CHRM3: variants seen among roughly 807,000 people sequenced by gnomAD.
CHRM3 encodes muscarinic acetylcholine receptor M3.
A neutral mutation model predicts 41.8 loss-of-function variants in CHRM3; 11 were observed. That is an observed-to-expected ratio of 0.26 (90% CI 0.17 to 0.44). The LOEUF (loss-of-function observed/expected upper bound fraction) is 0.44. Among genes scored for constraint, CHRM3 ranks in the 20% least tolerant of loss-of-function variants. The probability of loss-of-function intolerance (pLI) is 1.00; values close to 1 mark genes in which losing one functional copy is unlikely to be tolerated. For synonymous variants in CHRM3, 297 were observed against 301.4 expected, an observed-to-expected ratio of 0.99 and a Z score of 0.15; for missense variants, 571 against 745.4, an observed-to-expected ratio of 0.77 and a Z score of 2.72.
At chr1:239,500,460 CT>C (rs1668158320) in intron 2 of CHRM3, among the ~76,000 whole-genome samples, 1 of 111,630 alleles carries the variant, frequency 9.0e-6, no homozygotes, top group Non-Finnish European at 1.7e-5. Context: ...ATACCAGGGC[CT>C]GTTATGGGGT....
At chr1:239,564,240 G>C (rs533392139) in intron 3 of CHRM3, among the ~76,000 whole-genome samples, 35 of 152,200 alleles carry the variant, frequency 2.3e-4, no homozygotes, top group Middle Eastern at 6.8e-3. Flanking sequence ...TAAACCTAAT[G>C]TAAAGTAGAA....
chr1:239,592,065 A>T (rs1664220651), intron 3 of CHRM3, among the ~76,000 whole-genome samples: 1 of 151,956 alleles, frequency 6.6e-6, no homozygotes, highest in Non-Finnish European at 1.5e-5. Context: ...CCAGTCTTTT[A>T]TTTTCTCTCT....
At chr1:239,726,691 T>C (rs957899168) in intron 5 of CHRM3, among the ~76,000 whole-genome samples, 4 of 151,918 alleles carry the variant, frequency 2.6e-5, no homozygotes, top group Non-Finnish European at 5.9e-5. Flanking sequence ...TTCTGCTGAA[T>C]GTAAAATCCT....
chr1:239,644,711 A>T (rs890370951), intron 4 of CHRM3, among the ~76,000 whole-genome samples: 10 of 152,212 alleles, frequency 6.6e-5, no homozygotes, highest in African/African-American at 2.4e-4. Flanking sequence ...ACTCATGTGC[A>T]TACAATCACC....
At chr1:239,779,518 G>A (rs1239949978) in intron 5 of CHRM3, among the ~76,000 whole-genome samples, 3 of 152,226 alleles carry the variant, frequency 2.0e-5, no homozygotes, top group Admixed American at 6.5e-5. Flanking sequence ...TGGATCACTT[G>A]AGGCCGGGAG....
At chr1:239,539,848 T>G (rs1042392684) in intron 2 of CHRM3, among the ~76,000 whole-genome samples, 2 of 152,130 alleles carry the variant, frequency 1.3e-5, no homozygotes, top group African/African-American at 4.8e-5. Flanking sequence ...AATTCCTGGA[T>G]TCAAGCGATC....
chr1:239,507,000 A>G (rs1668614248), intron 2 of CHRM3, among the ~76,000 whole-genome samples: 1 of 152,156 alleles, frequency 6.6e-6, no homozygotes, highest in Non-Finnish European at 1.5e-5. Flanking sequence ...GTATTTACCC[A>G]ATGCCTGTGT....
chr1:239,587,297 A>C (rs774556210), intron 3 of CHRM3, among the ~76,000 whole-genome samples: 4 of 152,156 alleles, frequency 2.6e-5, no homozygotes, highest in Non-Finnish European at 5.9e-5. Flanking sequence ...GGACCAACTC[A>C]GCCCTCCTTC....
At chr1:239,500,898 G>A (rs906857610) in intron 2 of CHRM3, among the ~76,000 whole-genome samples, 1 of 151,882 alleles carries the variant, frequency 6.6e-6, no homozygotes, top group African/African-American at 2.4e-5. Flanking sequence ...TAACACATAA[G>A]GACTAACAGA....
chr1:239,881,820 C>T (rs971165845), intron 6 of CHRM3, among the ~76,000 whole-genome samples: 1 of 152,080 alleles, frequency 6.6e-6, no homozygotes, highest in Non-Finnish European at 1.5e-5. Context: ...TTGATAAGTC[C>T]CAGATCAACA....
At chr1:239,417,391 C>T (rs1661572888) in intron 1 of CHRM3, among the ~76,000 whole-genome samples, 1 of 152,122 alleles carries the variant, frequency 6.6e-6, no homozygotes, top group Admixed American at 6.5e-5. Context: ...CCTTCTGAAT[C>T]ACCAGATCTG....
At chr1:239,397,964 A>T (rs1659638925) in intron 1 of CHRM3, among the ~76,000 whole-genome samples, 1 of 151,942 alleles carries the variant, frequency 6.6e-6, no homozygotes, top group South Asian at 2.1e-4. Flanking sequence ...ATTCCCTTTG[A>T]AATTTTGGAG....
Position 239,781,931 on chromosome 1 carries a change from T to C in CHRM3, c.-146-45321T>C, listed in dbSNP as rs1286844961. Reference sequence around the variant, plus strand: ...TGGATTACATTAATGAATTTTCAAATGTTGAACCAGCCTTGCATATTTGGG... The same window carrying C: ...TGGATTACATTAATGAATTTTCAAACGTTGAACCAGCCTTGCATATTTGGG... On this transcript the variant is annotated intron_variant, in intron 5 of 6. Coordinates refer to ENST00000676153, the MANE Select transcript of CHRM3 (RefSeq NM_001375978.1). Among the ~76,000 whole-genome samples, 6 of 152,272 alleles carry C rather than the reference T, an allele frequency of 3.9e-5. No homozygotes were observed. The East Asian group carries it at 1.2e-3, about 29-fold the overall frequency.
chr1:239,772,834 T>C (rs1667801050), intron 5 of CHRM3, among the ~76,000 whole-genome samples: 1 of 152,192 alleles, frequency 6.6e-6, no homozygotes, highest in Non-Finnish European at 1.5e-5. Flanking sequence ...TCCTCTCTCA[T>C]GTCTTTCCTG....
intron 2 of CHRM3, among the ~76,000 whole-genome samples, chr1:239,520,584 C>T (rs753655784): frequency 6.6e-6 from 1 of 152,132 alleles, no homozygotes; most frequent in Non-Finnish European, 1.5e-5. Context: ...TCTTGTACAT[C>T]CTGCAAAACC....
At chr1:239,391,034 A>G (rs560662120) in intron 1 of CHRM3, among the ~76,000 whole-genome samples, 5 of 152,176 alleles carry the variant, frequency 3.3e-5, no homozygotes, top group African/African-American at 1.2e-4. Context: ...GCTACTAAGG[A>G]AGATGCAGTG....
At chr1:239,465,107 T>C (rs1431080736) in intron 1 of CHRM3, among the ~76,000 whole-genome samples, 6 of 152,152 alleles carry the variant, frequency 3.9e-5, no homozygotes, top group South Asian at 2.1e-4. Flanking sequence ...AAGATTAAAA[T>C]ATAAAATGGA....
At chr1:239,599,123 CT>C (rs1439182328) in intron 3 of CHRM3, among the ~76,000 whole-genome samples, 1 of 152,152 alleles carries the variant, frequency 6.6e-6, no homozygotes. Context: ...GGATAAAGGA[CT>C]TTTGCCTTCT....
At chr1:239,618,661 G>A (rs191802548) in intron 3 of CHRM3, among the ~76,000 whole-genome samples, 166 of 151,186 alleles carry the variant, frequency 1.1e-3, no homozygotes, top group South Asian at 4.4e-3. Context: ...TGGCTAACAC[G>A]GTGAAACCCC....
Sources: gnomAD v4.1 joint callset for allele counts (sites outside exome capture counted in the v4.1 genomes callset) on GRCh38, gnomAD v4.1.1 for gene constraint, MANE v1.5 for transcripts, NCBI Gene and HGNC (gene_info 2026-07-23, HGNC 2026-07-21) for gene names.